Variants in MIA2 observed in about 807,000 individuals in gnomAD.
MIA2 encodes melanoma inhibitory activity protein 2.
In MIA2, 127 loss-of-function variants were observed where a neutral mutation model predicts 167.8. That is an observed-to-expected ratio of 0.76 (90% CI 0.66 to 0.88). The LOEUF is 0.88. Ranked by LOEUF, MIA2 falls within the 40% of genes least tolerant of loss-of-function variation. MIA2 has a pLI of 0.00. For missense variants in MIA2, 1,690 were observed against 1,624.7 expected, an observed-to-expected ratio of 1.04 and a Z score of -0.69; for synonymous variants, 552 against 541.9, an observed-to-expected ratio of 1.02 and a Z score of -0.26.
At chr14:39,269,093 T>TTTTTTTTC in intron 6 of MIA2, 20 of 948,458 alleles carry the variant, frequency 2.1e-5, no homozygotes, top group Non-Finnish European at 2.4e-5. Flanking sequence ...TTTTTTTTTT[T>TTTTTTTTC]TTTTTTGCTA....
rs767179897 is a variant in MIA2, at chr14:39,247,921, C to A, written c.1347C>A (p.Asp449Glu). Residue 449 changes from aspartate to glutamate, a missense_variant, in exon 4 of 29, where the codon GAC becomes GAA. Asp to Glu is a conservative substitution (Grantham distance 45, BLOSUM62 2). Coordinates refer to ENST00000640607, the MANE Select transcript of MIA2 (RefSeq NM_001329214.4). ...AGAAACCAGTCTCAGAAAAAACAGA[C>A]GAATCTGATACTATACCATATTTGA... ...IDKKPVSEKT[D>E]ESDTIPYLKK... 6.3e-7 allele frequency: 1 copy of A among 1,595,580 alleles called. No homozygotes were observed. The highest frequency in any genetic ancestry group is 8.5e-7 in the Non-Finnish European group (1 of 1,175,696).
In MIA2 at chr14:39,248,682, A is replaced by G. The variant is rs145626007; in HGVS notation, c.1567+541A>G. Among the ~76,000 whole-genome samples, 11 of 152,278 alleles carry G rather than the reference A, an allele frequency of 7.2e-5. No homozygotes were observed. In the East Asian group the frequency reaches 7.7e-4, roughly 11 times the overall value. On this transcript the variant is annotated intron_variant, in intron 4 of 28. Coordinates refer to ENST00000640607, the MANE Select transcript of MIA2 (RefSeq NM_001329214.4). ...TCATTCACATTCGCTTTTTAGCCCA[A>G]TAACACCTTCCCAATACAACTATAT...
At chr14:39,235,934 A>T (rs1045557281) in intron 1 of MIA2, among the ~76,000 whole-genome samples, 3 of 152,190 alleles carry the variant, frequency 2.0e-5, no homozygotes, top group Non-Finnish European at 4.4e-5. Flanking sequence ...ATGACAATAA[A>T]AATATCTTAT....
Position 39,347,766 on chromosome 14 carries a change from C to G in MIA2, c.3832C>G (p.Leu1278Val). The change falls in exon 27 of 29, where the codon CTT (leucine) becomes GTT (valine). Residue 1278 changes from leucine to valine, a missense_variant. Leu to Val is a conservative substitution (Grantham distance 32, BLOSUM62 1). Transcript: ENST00000640607. ...ESSRNDTKDD[L>V]GNLNVPDSSL... ...CAGTAGAAATGATACCAAAGATGATCTTGGTGTAAGTATTGAAAGAGTGGA... is the reference window on the plus strand; with the variant it reads ...CAGTAGAAATGATACCAAAGATGATGTTGGTGTAAGTATTGAAAGAGTGGA... The G allele has an allele frequency of 6.3e-7, 1 of 1,594,976 alleles. No homozygotes were observed.
intron 25 of MIA2, among the ~76,000 whole-genome samples, chr14:39,342,858 A>T (rs2072303300): frequency 6.6e-6 from 1 of 152,200 alleles, no homozygotes; most frequent in African/African-American, 2.4e-5. Context: ...GATTAAAAAA[A>T]ATTAAAGTTC....
At chr14:39,356,230 A>C (rs897656825), downstream of MIA2, among the ~76,000 whole-genome samples, 1 of 152,034 alleles carries the variant, frequency 6.6e-6, no homozygotes, top group African/African-American at 2.4e-5. Flanking sequence ...TCAGTTTCAG[A>C]GCCTGTTATT....
intron 23 of MIA2, among the ~76,000 whole-genome samples, chr14:39,365,599 A>G (rs1440694079): frequency 6.6e-6 from 1 of 150,994 alleles, no homozygotes; most frequent in Non-Finnish European, 1.5e-5. Flanking sequence ...TGTGTTTGTA[A>G]TTTCATGTAT....
intron 9 of MIA2, among the ~76,000 whole-genome samples, chr14:39,283,766 C>T (rs2059264665): frequency 6.6e-6 from 1 of 152,116 alleles, no homozygotes; most frequent in Admixed American, 6.5e-5. Context: ...TGATATTGAA[C>T]ACCATTTCAT....
At chr14:39,343,872 A>G (rs1198104387) in intron 25 of MIA2, among the ~76,000 whole-genome samples, 1 of 152,166 alleles carries the variant, frequency 6.6e-6, no homozygotes, top group African/African-American at 2.4e-5. Context: ...TTTGACCAGA[A>G]TACCCTTGAT....
intron 6 of MIA2, among the ~76,000 whole-genome samples, chr14:39,258,204 A>T (rs1465637385): frequency 6.6e-6 from 1 of 152,082 alleles, no homozygotes; most frequent in Admixed American, 6.6e-5. Flanking sequence ...CATTCTCTCC[A>T]TTACTTTCAG....
At chr14:39,261,646 C>T (rs2055122615) in intron 6 of MIA2, among the ~76,000 whole-genome samples, 1 of 152,200 alleles carries the variant, frequency 6.6e-6, no homozygotes, top group Admixed American at 6.5e-5. Flanking sequence ...TCCTCTCCAG[C>T]ACCTGTTGTT....
intron 1 of MIA2, among the ~76,000 whole-genome samples, chr14:39,236,060 C>T (rs1594593187): frequency 1.3e-5 from 2 of 151,956 alleles, no homozygotes; most frequent in African/African-American, 2.4e-5. Flanking sequence ...GCCTACTACA[C>T]GTTGGGTTGG....
At chr14:39,352,785 AATG>A (rs1486061377), downstream of MIA2, among the ~76,000 whole-genome samples, 1 of 152,198 alleles carries the variant, frequency 6.6e-6, no homozygotes, top group East Asian at 1.9e-4. Context: ...TTGTACACAG[AATG>A]ATATTTTGAA....
intron 13 of MIA2, among the ~76,000 whole-genome samples, chr14:39,298,693 G>T (rs2061894715): frequency 1.3e-5 from 2 of 150,948 alleles, no homozygotes; most frequent in African/African-American, 4.9e-5. Flanking sequence ...TGAATTGCCT[G>T]CTCAGTCTTC....
chr14:39,386,353 C>G lies in MIA2; in HGVS notation c.2249-532C>G, dbSNP rs577561498. On this transcript the variant is annotated intron_variant, in intron 23 of 23. Coordinates refer to the MIA2 transcript ENST00000341502. ...TAGCTTCATCACAAGACTCAGACTCCGAGGAGGAACTGGGACTCTCTTTTG... is the reference window on the plus strand; with the variant it reads ...TAGCTTCATCACAAGACTCAGACTCGGAGGAGGAACTGGGACTCTCTTTTG... The G allele has an allele frequency of 5.3e-5, 81 of 1,537,760 alleles. 1 individual carries two copies. The South Asian group carries it at 5.4e-4, about 10-fold the overall frequency.
chr14:39,348,602 C>T, intron 27 of MIA2, 141 bp from the exon 28 acceptor site: 24 of 1,228,080 alleles, frequency 2.0e-5, no homozygotes, highest in Non-Finnish European at 2.8e-5. Flanking sequence ...CTGTGGAAAG[C>T]TGTTTGAATC....
In MIA2 at chr14:39,320,923, T is replaced by C; in HGVS notation, c.3368-5T>C. 1 of 1,611,496 alleles carries C rather than the reference T, an allele frequency of 6.2e-7. No homozygotes were observed. Among genetic ancestry groups the C allele is most frequent in the Admixed American group, 1.7e-5 (1 of 59,176 alleles). On this transcript the variant is annotated splice_polypyrimidine_tract_variant and splice_region_variant and intron_variant, in intron 23 of 28. Transcript: ENST00000640607. ...AATTTAAATATGCTGTTTTAATTAT[T>C]CCAGAGCATTCCCCATATGGTCCCT...
chr14:39,288,156 G>C (rs1409577944), intron 9 of MIA2, among the ~76,000 whole-genome samples: 1 of 151,894 alleles, frequency 6.6e-6, no homozygotes, highest in African/African-American at 2.4e-5. Context: ...AACTGTTAAG[G>C]GTTTTTATCA....
intron 23 of MIA2, among the ~76,000 whole-genome samples, chr14:39,367,303 G>T (rs564689362): frequency 6.6e-6 from 1 of 152,298 alleles, no homozygotes; most frequent in African/African-American, 2.4e-5. Flanking sequence ...GGGAATATCA[G>T]TGCAGCTTCA....
Sources: gnomAD v4.1 joint callset for allele counts (sites outside exome capture counted in the v4.1 genomes callset) on GRCh38, gnomAD v4.1.1 for gene constraint, MANE v1.5 for transcripts, NCBI Gene and HGNC (gene_info 2026-07-23, HGNC 2026-07-21) for gene names.